SPNS3: variants seen among roughly 807,000 people sequenced by gnomAD.
SPNS3 encodes the protein protein spinster homolog 3.
SPNS3 carries 51 observed loss-of-function variants against 54.4 expected under a neutral mutation model. The observed-to-expected ratio is 0.94, with a 90% CI of 0.75 to 1.18. The LOEUF (loss-of-function observed/expected upper bound fraction) is 1.18. Ranked by LOEUF, SPNS3 falls within the 50% of genes most tolerant of loss-of-function variation. The pLI is 0.00. For missense variants in SPNS3, 669 were observed against 677.4 expected (o/e 0.99, Z 0.14); for synonymous variants, 309 against 294.7 (o/e 1.05, Z -0.50).
chr17:4,468,721 T>TTTCTTTCTTTCTTTC lies in SPNS3; in HGVS notation c.1114-9849_1114-9848insCTTTCTTTCTTTCTT, dbSNP rs1555531861. Among the ~76,000 whole-genome samples the TTTCTTTCTTTCTTTC allele has an allele frequency of 1.6e-4, 19 of 121,450 alleles. No individual in the cohort carries two copies. The South Asian group carries it at 2.7e-3, about 17-fold the overall frequency. 79.7% of individuals were successfully genotyped at this position (121,450 alleles called of 152,430 possible). The stretch of plus-strand genomic sequence containing the variant: ...TTTTCTTTATTTCTCTCTCTCTTTC[T>TTTCTTTCTTTCTTTC]TTTCTTTCTTTCTTTCTTTCTTTCT... On this transcript the variant is annotated intron_variant, in intron 8 of 11. Transcript: ENST00000355530.
chr17:4,455,484 G>A (rs764963825), intron 8 of SPNS3, among the ~76,000 whole-genome samples: 3 of 152,224 alleles, frequency 2.0e-5, no homozygotes, highest in South Asian at 2.1e-4. Context: ...CTTTGTGGGC[G>A]TTTTGGGGTC....
chr17:4,443,272 T>C (rs1249630431), intron 2 of SPNS3, among the ~76,000 whole-genome samples: 1 of 152,188 alleles, frequency 6.6e-6, no homozygotes, highest in Non-Finnish European at 1.5e-5. Context: ...GATTTTACCA[T>C]GTTGGCCCGG....
chr17:4,435,514 G>C (rs894105074), intron 1 of SPNS3, among the ~76,000 whole-genome samples: 3 of 151,582 alleles, frequency 2.0e-5, no homozygotes, highest in African/African-American at 7.3e-5. Flanking sequence ...AGGGCACAGT[G>C]GGGGTGGGGC....
chr17:4,476,718 C>T (rs1381959387), intron 8 of SPNS3, among the ~76,000 whole-genome samples: 1 of 152,146 alleles, frequency 6.6e-6, no homozygotes, highest in Non-Finnish European at 1.5e-5. Context: ...TGCCCGGCCC[C>T]ATGTCCTAGG....
chr17:4,481,961 T>G (rs949546605), intron 9 of SPNS3: 1 of 151,896 alleles, frequency 6.6e-6, no homozygotes, highest in Non-Finnish European at 1.5e-5. Flanking sequence ...CGATCTCAGC[T>G]CACTGCGACC....
intron 2 of SPNS3, among the ~76,000 whole-genome samples, 169 bp downstream of exon 2, chr17:4,439,892 T>C (rs3809851): frequency 0.057 from 8,717 of 152,176 alleles, 310 homozygotes; most frequent in Non-Finnish European, 0.08. Context: ...GGAGAGAGCC[T>C]GGGCTGGAAC....
chr17:4,445,436 C>T (rs1325258404), intron 3 of SPNS3, among the ~76,000 whole-genome samples: 8 of 150,440 alleles, frequency 5.3e-5, no homozygotes, highest in Non-Finnish European at 1.2e-4. Context: ...AGTGCAATGG[C>T]GTGATCTCGA....
chr17:4,478,053 C>T (rs1972056376), intron 8 of SPNS3, among the ~76,000 whole-genome samples: 1 of 140,746 alleles, frequency 7.1e-6, no homozygotes, highest in Admixed American at 7.5e-5. Context: ...CTCCCTGCAA[C>T]CTCTGCCTCT....
chr17:4,444,511 C>T (rs184096623), intron 2 of SPNS3, among the ~76,000 whole-genome samples: 1 of 152,244 alleles, frequency 6.6e-6, no homozygotes, highest in African/African-American at 2.4e-5. Context: ...GCGTGAGCCA[C>T]CGCGCCCGGC....
intron 8 of SPNS3, among the ~76,000 whole-genome samples, chr17:4,461,361 C>CTTTTTTTTT (rs55928003): frequency 0.016 from 527 of 33,430 alleles, 43 homozygotes; most frequent in Non-Finnish European, 0.021. Context: ...CTTTTCTTTT[C>CTTTTTTTTT]TTTTTTTTTT....
In SPNS3 at chr17:4,449,334, G is replaced by T; in HGVS notation, c.870G>T (p.Val290=). The change falls in exon 7 of 12, where the codon GTG becomes GTT. Residue 290 remains valine (V), a synonymous_variant. Coordinates refer to ENST00000355530, the MANE Select transcript of SPNS3 (RefSeq NM_182538.5). ...CCAAGTTTCTGCTCGAGGCACGCGT[G>T]GTTCACGGGCTGCAGCCTCCCTGCT... ...WAPKFLLEAR[V]VHGLQPPCFQ... is the part of the protein sequence containing the mutation. 6.2e-7 allele frequency: 1 copy of T among 1,611,090 alleles called. No homozygotes were observed.
intron 8 of SPNS3, among the ~76,000 whole-genome samples, chr17:4,459,954 A>G (rs1971451713): frequency 1.3e-5 from 2 of 152,042 alleles, no homozygotes; most frequent in South Asian, 2.1e-4. Context: ...GAGGGTAGCA[A>G]TTTTTTGTAG....
In SPNS3 at chr17:4,487,792, C is replaced by A. The variant is rs1002752922; in HGVS notation, c.1451-14C>A. The A allele has an allele frequency of 1.4e-5, 23 of 1,612,964 alleles. No individual in the cohort carries two copies. The highest frequency in any genetic ancestry group is 2.7e-5 in the African/African-American group (2 of 74,954). ...TGCAACCTTCGGGCAGGCTGAGCAT[C>A]TTTCCTCCTGCAGGGACCCCAGACA... On this transcript the variant is annotated splice_polypyrimidine_tract_variant and intron_variant, in intron 11 of 11. Transcript: ENST00000355530.
chr17:4,468,741 C>T (rs1189248046), intron 8 of SPNS3, among the ~76,000 whole-genome samples: 1 of 142,170 alleles, frequency 7.0e-6, no homozygotes, highest in Non-Finnish European at 1.5e-5. Context: ...TTCTTTCTTT[C>T]TTTCTTTCTT....
At chr17:4,484,918 T>G (rs9944393) in intron 9 of SPNS3, 24,470 of 152,092 alleles carry the variant, frequency 0.16, 2,096 homozygotes, top group Middle Eastern at 0.23. Flanking sequence ...GGGTCTTTGT[T>G]GCCCACACAA....
At chr17:4,448,076 C>T in intron 5 of SPNS3, 79 bp from the exon 6 acceptor site, 4 of 1,396,592 alleles carry the variant, frequency 2.9e-6, no homozygotes, top group Non-Finnish European at 3.8e-6. Context: ...CTGGCTGATA[C>T]TGTGGCCAGT....
chr17:4,435,328 C>G (rs986186665), intron 1 of SPNS3, among the ~76,000 whole-genome samples: 2 of 150,968 alleles, frequency 1.3e-5, no homozygotes, highest in Non-Finnish European at 3.0e-5. Flanking sequence ...GAGGCTGAGG[C>G]AGAGAATTGC....
Position 4,453,128 on chromosome 17 carries a change from G to A in SPNS3, c.1036G>A (p.Ala346Thr), listed in dbSNP as rs778200264. The A allele has an allele frequency of 2.0e-5, 32 of 1,613,920 alleles. No individual in the cohort carries two copies. The highest frequency in any genetic ancestry group is 2.7e-5 in the African/African-American group (2 of 74,888). ...VIPGAEPLIC[A>T]SSLLATAPCL... ...TCCAGGAGCTGAGCCCCTCATCTGC[G>A]CCTCCAGCCTGCTTGCCACAGCCCC... Residue 346 changes from alanine (A) to threonine (T), a missense_variant, in exon 8 of 12, where the codon GCC (alanine) becomes ACC (threonine). Coordinates refer to ENST00000355530, the MANE Select transcript of SPNS3 (RefSeq NM_182538.5).
intron 8 of SPNS3, among the ~76,000 whole-genome samples, chr17:4,472,047 T>C (rs7221452): frequency 0.86 from 129,780 of 151,476 alleles, 55,959 homozygotes; most frequent in East Asian, 1. Flanking sequence ...TTAGTAGAGA[T>C]GGGGTTTTAC....
Sources: gnomAD v4.1 joint callset for allele counts (sites outside exome capture counted in the v4.1 genomes callset) on GRCh38, gnomAD v4.1.1 for gene constraint, MANE v1.5 for transcripts, NCBI Gene and HGNC (gene_info 2026-07-23, HGNC 2026-07-21) for gene names.